GMCL1: variants seen among roughly 807,000 people sequenced by gnomAD.
GMCL1 encodes germ cell-less 1, spermatogenesis associated, also known as germ cell-less protein-like 1.
Under a neutral mutation model 75.5 loss-of-function variants are expected in GMCL1, and 54 were observed. The observed-to-expected ratio is 0.71, with a 90% confidence interval of 0.57 to 0.90. The LOEUF is 0.90. GMCL1 is among the 40% of genes least tolerant of loss of function. The probability of loss-of-function intolerance (pLI) is 0.00; values close to 1 mark genes in which losing one functional copy is unlikely to be tolerated. For synonymous variants in GMCL1, 210 were observed against 209.6 expected (o/e 1.00, Z -0.02); for missense variants, 537 against 622.7 (o/e 0.86, Z 1.47).
At chr2:69,860,902 G>C (rs945579464) in intron 9 of GMCL1, among the ~76,000 whole-genome samples, 3 of 152,194 alleles carry the variant, frequency 2.0e-5, no homozygotes, top group Non-Finnish European at 2.9e-5. Flanking sequence ...GAGTGCAGTG[G>C]CATGATCTTG....
intron 1 of GMCL1, among the ~76,000 whole-genome samples, chr2:69,835,287 C>G (rs554717162): frequency 6.6e-6 from 1 of 152,046 alleles, no homozygotes; most frequent in Admixed American, 6.5e-5. Flanking sequence ...TCTCTAAAAG[C>G]TCTTTCTTGT....
intron 7 of GMCL1, 128 bp downstream of exon 7, chr2:69,847,755 G>A (rs758517967): frequency 8.8e-5 from 45 of 512,262 alleles, no homozygotes; most frequent in African/African-American, 7.2e-4. Context: ...GAAATAGGCC[G>A]AAACCTTAAA....
In GMCL1 at chr2:69,840,972, G is replaced by A. The variant is rs775505420; in HGVS notation, c.512G>A (p.Arg171Gln). Residue 171 changes from arginine to glutamine, a missense_variant, in exon 4 of 14, where the codon CGA (arginine) becomes CAA (glutamine). Arg to Gln is a conservative substitution (Grantham distance 43). Coordinates refer to ENST00000282570, the MANE Select transcript of GMCL1 (RefSeq NM_178439.5). Reference sequence around the variant, plus strand: ...CAGGTTGCATTTGGTTCACTGTATCGAGATGATGTCTTGATAAAGCCCAGT... The same window carrying A: ...CAGGTTGCATTTGGTTCACTGTATCAAGATGATGTCTTGATAAAGCCCAGT... The part of the protein sequence containing the change: ...ALQVAFGSLY[R>Q]DDVLIKPSRV... 39 of 1,613,788 alleles carry A rather than the reference G, an allele frequency of 2.4e-5. No homozygotes were observed. The highest frequency in any genetic ancestry group is 2.9e-5 in the Non-Finnish European group (34 of 1,179,906).
At chr2:69,866,331 T>TC (rs953896095) in intron 11 of GMCL1, among the ~76,000 whole-genome samples, 1 of 151,982 alleles carries the variant, frequency 6.6e-6, no homozygotes, top group African/African-American at 2.4e-5. Flanking sequence ...TTTTAAATAT[T>TC]CCCCCCTAAC....
chr2:69,833,714 C>T (rs1674739461), intron 1 of GMCL1, among the ~76,000 whole-genome samples: 1 of 152,226 alleles, frequency 6.6e-6, no homozygotes, highest in Non-Finnish European at 1.5e-5. Flanking sequence ...CTGGTGTGCT[C>T]TCCCACATCA....
intron 4 of GMCL1, among the ~76,000 whole-genome samples, chr2:69,841,833 CAGAG>C (rs1011718128): frequency 3.9e-4 from 59 of 152,148 alleles, no homozygotes; most frequent in African/African-American, 1.3e-3. Context: ...GCATTTCAGA[CAGAG>C]AGAACAGAGT....
At chr2:69,866,342 TA>T (rs2104030797) in intron 11 of GMCL1, among the ~76,000 whole-genome samples, 1 of 152,198 alleles carries the variant, frequency 6.6e-6, no homozygotes, top group South Asian at 2.1e-4. Context: ...CCCCCCTAAC[TA>T]ATCATAATTT....
chr2:69,873,551 C>G (rs145719847), intron 13 of GMCL1: 1 of 152,102 alleles, frequency 6.6e-6, no homozygotes, highest in Non-Finnish European at 1.5e-5. Context: ...AATTTGCCAG[C>G]TGGATTCAAC....
chr2:69,838,365 T>A (rs1287530262), intron 2 of GMCL1, among the ~76,000 whole-genome samples: 118 of 66,002 alleles, frequency 1.8e-3, no homozygotes, highest in Middle Eastern at 7.9e-3. Context: ...AAAAAAAAAA[T>A]CGGAGCTTTC....
chr2:69,836,641 G>A (rs4853040), intron 1 of GMCL1, among the ~76,000 whole-genome samples: 23,966 of 152,122 alleles, frequency 0.16, 5,109 homozygotes, highest in African/African-American at 0.46. Context: ...AGAGATTGAA[G>A]GTTTTATGTG....
At position 69,875,147 on chromosome 2, in the gene GMCL1, C is replaced by G. The variant is rs529984141; in HGVS notation, c.1452+3315C>G. On this transcript the variant is annotated intron_variant, in intron 13 of 13. Transcript: ENST00000282570. ...GTGTTATCCTTAGGCCTCCATCTTA[C>G]TAGGATTATATAAATAGTCATCTAT... Among the ~76,000 whole-genome samples the G allele has an allele frequency of 1.3e-4, 20 of 152,212 alleles. 1 individual carries two copies. The South Asian group carries it at 4.1e-3, about 32-fold the overall frequency.
At chr2:69,851,882 C>G (rs1675329556) in intron 8 of GMCL1, among the ~76,000 whole-genome samples, 2 of 152,212 alleles carry the variant, frequency 1.3e-5, no homozygotes, top group South Asian at 2.1e-4. Context: ...AATTACCTAC[C>G]TCAGAGCCAG....
rs542794065 is a variant in GMCL1 at position 69,863,338 on chromosome 2, G to A, written c.1143-1562G>A. 8.5e-5 allele frequency among the ~76,000 whole-genome samples: 13 copies of A among 152,274 alleles called. No individual in the cohort carries two copies. In the East Asian group the frequency reaches 2.5e-3, roughly 29 times the overall value. On this transcript the variant is annotated intron_variant, in intron 10 of 13. Coordinates refer to ENST00000282570, the MANE Select transcript of GMCL1 (RefSeq NM_178439.5). ...TATATCCCCTCTTAGGAAATGTTCT[G>A]TTCAGCAGATACCAAGCATCTGCTC...
intron 1 of GMCL1, 43 bp from the exon 2 acceptor site, chr2:69,837,504 T>G: frequency 7.5e-7 from 1 of 1,338,204 alleles, no homozygotes; most frequent in Non-Finnish European, 1.0e-6. Flanking sequence ...AGTAAAACAT[T>G]CAGTTTTATA....
At position 69,876,845 on chromosome 2, in the gene GMCL1, C is replaced by T. The variant is rs142824924; in HGVS notation, c.1453-2064C>T. On this transcript the variant is annotated intron_variant, in intron 13 of 13. Transcript: ENST00000282570. ...CTATACAAAAAATTGAAAAATTAGCCGGGCGTGGTGGCATGTGCCTGTGGT... is the reference window on the plus strand; with the variant it reads ...CTATACAAAAAATTGAAAAATTAGCTGGGCGTGGTGGCATGTGCCTGTGGT... Among the ~76,000 whole-genome samples, 534 of 152,120 alleles carry T rather than the reference C, an allele frequency of 3.5e-3. 16 individuals carry two copies. The South Asian group carries it at 0.078, about 22-fold the overall frequency.
intron 11 of GMCL1, among the ~76,000 whole-genome samples, chr2:69,866,952 C>G (rs1159644585): frequency 6.8e-6 from 1 of 146,744 alleles, no homozygotes; most frequent in Non-Finnish European, 1.5e-5. Flanking sequence ...TCTTTTCTTT[C>G]TTTTTTTTTT....
At chr2:69,858,741 C>G (rs1675553344) in intron 9 of GMCL1, among the ~76,000 whole-genome samples, 1 of 152,120 alleles carries the variant, frequency 6.6e-6, no homozygotes, top group Non-Finnish European at 1.5e-5. Context: ...ACTTTTTATT[C>G]TTTTGGATTA....
At position 69,880,650 on chromosome 2, in the gene GMCL1, A is replaced by G. The variant is rs1469706727; in HGVS notation, c.*1646A>G. ...TGAGGTCAGGAGTTTAAGATCAGCC[A>G]TGACCAACATGGTGAAACCCCATCT... On this transcript the variant is annotated 3_prime_UTR_variant, in exon 14 of 14. Transcript: ENST00000282570. 1 of 152,102 alleles carries G rather than the reference A, an allele frequency of 6.6e-6. No individual in the cohort carries two copies. The highest frequency in any genetic ancestry group is 2.4e-5 in the African/African-American group (1 of 41,416). The allele number at this position is 152,102 out of a possible 1,614,324, so 9.4% of individuals were successfully genotyped here. A position where few individuals can be genotyped will look rare whatever the true frequency, so the allele number is the denominator to read the frequency against.
chr2:69,879,076 T>A lies in GMCL1; in HGVS notation c.*72T>A, dbSNP rs1031329235. On this transcript the variant is annotated 3_prime_UTR_variant, in exon 14 of 14. Coordinates refer to ENST00000282570, the MANE Select transcript of GMCL1 (RefSeq NM_178439.5). ...TTGGAAACAGTAGCACTTTGAAAAC[T>A]TTTTAGGCCAGCTTTAATTTAATGG... is the stretch of plus-strand genomic sequence containing the variant. 1.1e-6 allele frequency: 1 copy of A among 910,042 alleles called. No individual in the cohort carries two copies. Among genetic ancestry groups the A allele is most frequent in the African/African-American group, 1.7e-5 (1 of 59,742 alleles). 56.4% of individuals were successfully genotyped at this position (910,042 alleles called of 1,614,324 possible).
Sources: gnomAD v4.1 joint callset for allele counts (sites outside exome capture counted in the v4.1 genomes callset) on GRCh38, gnomAD v4.1.1 for gene constraint, MANE v1.5 for transcripts, NCBI Gene and HGNC (gene_info 2026-07-23, HGNC 2026-07-21) for gene names.